The following PVT1 variants were observed in gnomAD, a reference collection of about 807,000 sequenced individuals.
The protein encoded by PVT1 is Pvt1 oncogene.
At chr8:128,051,553 T>C (rs1367992657) in intron 4 of PVT1, among the ~76,000 whole-genome samples, 2 of 152,242 alleles carry the variant, frequency 1.3e-5, no homozygotes, top group Non-Finnish European at 2.9e-5. Flanking sequence ...TCTGCTTTTA[T>C]TCCTCCTCTT....
intron 4 of PVT1, among the ~76,000 whole-genome samples, chr8:128,053,416 T>A (rs544430238): frequency 1.2e-3 from 176 of 149,514 alleles, no homozygotes; most frequent in African/African-American, 3.8e-3. Context: ...ATATATTGTA[T>A]ATATAATACC....
intron 4 of PVT1, among the ~76,000 whole-genome samples, chr8:127,990,400 T>C (rs1289172561): frequency 6.6e-6 from 1 of 152,094 alleles, no homozygotes; most frequent in East Asian, 1.9e-4. Flanking sequence ...AATGAATGAG[T>C]AATTGAAAGG....
intron 2 of PVT1, among the ~76,000 whole-genome samples, chr8:127,830,489 G>T (rs1009047198): frequency 1.3e-5 from 2 of 151,800 alleles, no homozygotes; most frequent in Non-Finnish European, 2.9e-5. Context: ...CAAAGAAAGC[G>T]GAGAGAAAAA....
At chr8:127,852,129 A>T (rs1335331508) in intron 2 of PVT1, 1 of 152,162 alleles carries the variant, frequency 6.6e-6, no homozygotes, top group African/African-American at 2.4e-5. Flanking sequence ...GAATTCCTGG[A>T]ACTGAGTCAC....
At chr8:128,068,367 C>T (rs969880751) in intron 4 of PVT1, among the ~76,000 whole-genome samples, 3 of 152,038 alleles carry the variant, frequency 2.0e-5, no homozygotes, top group Admixed American at 6.6e-5. Context: ...TTACACAGAC[C>T]TCATATGAGG....
rs376939725 is a variant in PVT1, at chr8:128,037,883, T to C, written n.913-32277T>C. ...AAGAACCACTGGTGTAGACTAGTGG[T>C]TCCCAACATTTGCTATACCAGAAAT... On this transcript the variant is annotated intron_variant and non_coding_transcript_variant, in intron 4 of 10. Transcript: ENST00000651587. Among the ~76,000 whole-genome samples the C allele has an allele frequency of 2.9e-4, 44 of 152,232 alleles. 1 individual carries two copies. The South Asian group carries it at 8.9e-3, about 31-fold the overall frequency.
chr8:128,008,991 A>G (rs1386880923), intron 4 of PVT1: 1 of 505,514 alleles, frequency 2.0e-6, no homozygotes, highest in Admixed American at 1.9e-5. Flanking sequence ...GCAGCCACCT[A>G]TTCCCAGGCA....
intron 3 of PVT1, among the ~76,000 whole-genome samples, chr8:127,962,151 C>G (rs1816651075): frequency 6.6e-6 from 1 of 152,164 alleles, no homozygotes; most frequent in African/African-American, 2.4e-5. Flanking sequence ...ATTTTCAGTA[C>G]AGACGGGGTT....
intron 2 of PVT1, among the ~76,000 whole-genome samples, chr8:127,861,512 C>CAA (rs1326021063): frequency 6.6e-6 from 1 of 152,152 alleles, no homozygotes; most frequent in East Asian, 1.9e-4. Context: ...GCAATAGTCA[C>CAA]CCTTAACATC....
intron 4 of PVT1, among the ~76,000 whole-genome samples, chr8:127,995,377 G>C (rs180853805): frequency 6.6e-6 from 1 of 152,132 alleles, no homozygotes; most frequent in South Asian, 2.1e-4. Flanking sequence ...CACAGCATCC[G>C]GCTCCTGGGA....
chr8:128,053,704 ACAGAG>A (rs1813726673), intron 4 of PVT1, among the ~76,000 whole-genome samples: 1 of 152,166 alleles, frequency 6.6e-6, no homozygotes, highest in East Asian at 1.9e-4. Flanking sequence ...TTGGAACAGA[ACAGAG>A]GCTCTTTACG....
At chr8:127,876,481 G>A (rs986625787) in intron 2 of PVT1, among the ~76,000 whole-genome samples, 1 of 149,860 alleles carries the variant, frequency 6.7e-6, no homozygotes, top group Non-Finnish European at 1.5e-5. Context: ...TTTTAATACA[G>A]TGAATTTGTA....
At chr8:127,800,145 C>A (rs1814447072) in intron 2 of PVT1, among the ~76,000 whole-genome samples, 1 of 152,182 alleles carries the variant, frequency 6.6e-6, no homozygotes, top group Admixed American at 6.5e-5. Flanking sequence ...GAGGAATAAG[C>A]CCTTCAGTAA....
intron 5 of PVT1, among the ~76,000 whole-genome samples, chr8:128,074,999 G>T (rs1814066117): frequency 6.6e-6 from 1 of 152,210 alleles, no homozygotes; most frequent in African/African-American, 2.4e-5. Context: ...GTTCATGGGG[G>T]TTATATGTTT....
intron 4 of PVT1, among the ~76,000 whole-genome samples, chr8:128,005,225 T>C (rs1817231310): frequency 6.6e-6 from 1 of 152,212 alleles, no homozygotes; most frequent in Admixed American, 6.5e-5. Flanking sequence ...ATTTGTATTG[T>C]CTTAGACCAA....
chr8:127,963,171 C>T (rs892138339), intron 3 of PVT1, among the ~76,000 whole-genome samples: 3 of 152,222 alleles, frequency 2.0e-5, no homozygotes, highest in Non-Finnish European at 4.4e-5. Flanking sequence ...TTCCACCCCT[C>T]GCACGGCAGC....
chr8:127,968,264 T>G (rs1816724647), intron 3 of PVT1, among the ~76,000 whole-genome samples: 1 of 152,014 alleles, frequency 6.6e-6, no homozygotes, highest in Non-Finnish European at 1.5e-5. Context: ...TCCTCGATGG[T>G]CCCTCACTAA....
chr8:127,985,451 T>C (rs983180971), intron 3 of PVT1, among the ~76,000 whole-genome samples: 5 of 150,674 alleles, frequency 3.3e-5, no homozygotes, highest in Non-Finnish European at 7.4e-5. Context: ...TTTTTTTTTT[T>C]AATCCTCGAT....
intron 4 of PVT1, among the ~76,000 whole-genome samples, chr8:128,058,536 CTT>C (rs1813790458): frequency 6.6e-6 from 1 of 152,118 alleles, no homozygotes; most frequent in Admixed American, 6.5e-5. Flanking sequence ...GGACACCAGA[CTT>C]CACCGTTGTT....
Sources: allele counts gnomAD v4.1 joint callset (sites outside exome capture counted in the v4.1 genomes callset), GRCh38; gene constraint gnomAD v4.1.1; transcripts MANE v1.5; gene names NCBI Gene and HGNC (gene_info 2026-07-23, HGNC 2026-07-21).